The following SDR42E2 variants were observed in gnomAD, a reference collection of about 807,000 sequenced individuals.
SDR42E2 encodes the protein short chain dehydrogenase/reductase family 42E, member 2, also known as putative short-chain dehydrogenase/reductase family 42E member 2.
SDR42E2 carries 20 observed loss-of-function variants against 10.5 expected under a neutral mutation model. That is an observed-to-expected ratio of 1.90 (90% CI 1.34 to 2.77). SDR42E2 has a LOEUF of 2.77. SDR42E2 is among the 30% of genes most tolerant of loss of function. The pLI, the probability that SDR42E2 is intolerant of heterozygous loss-of-function variation, is 0.00. For missense variants in SDR42E2, 162 were observed against 104.2 expected, an observed-to-expected ratio of 1.55 and a Z score of -2.42; for synonymous variants, 72 against 39.2, an observed-to-expected ratio of 1.84 and a Z score of -3.12.
In SDR42E2 at chr16:22,190,572, T is replaced by C; in HGVS notation, c.*179T>C. The C allele has an allele frequency of 2.5e-6, 1 of 396,992 alleles. No homozygotes were observed. Among genetic ancestry groups the C allele is most frequent in the Non-Finnish European group, 4.4e-6 (1 of 225,602 alleles). 24.6% of individuals were successfully genotyped at this position (396,992 alleles called of 1,614,324 possible). On this transcript the variant is annotated 3_prime_UTR_variant, in exon 13 of 13. Coordinates refer to ENST00000602312, the MANE Select transcript of SDR42E2 (RefSeq NM_001394319.2). ...CCAGACCTAGCCCGGACCGCCGACTTCTGGCCACGCCCCTATCTACTCCCA... is the reference window on the plus strand; with the variant it reads ...CCAGACCTAGCCCGGACCGCCGACTCCTGGCCACGCCCCTATCTACTCCCA...
rs1185307244 is a variant in SDR42E2, at chr16:22,190,171, G to C, written c.1047G>C (p.Gln349His). Residue 349 changes from glutamine (Q) to histidine (H), a missense_variant, in exon 13 of 13, where the codon CAG becomes CAC. Physicochemically the swap from Gln to His is conservative, Grantham distance 24 (BLOSUM62 0). Transcript: ENST00000602312. ...GCGTGGCCGTGACGCACACCTTCCAGATAGCCAAGGCCCGCGCCCAGCTCG... is the reference window on the plus strand; with the variant it reads ...GCGTGGCCGTGACGCACACCTTCCACATAGCCAAGGCCCGCGCCCAGCTCG... ...VRSVAVTHTF[Q>H]IAKARAQLGY... The C allele has an allele frequency of 5.0e-6, 2 of 401,054 alleles. No homozygotes were observed. The highest frequency in any genetic ancestry group is 8.8e-5 in the Admixed American group (2 of 22,718). The allele number at this position is 401,054 out of a possible 1,614,324, so 24.8% of individuals were successfully genotyped here.
In SDR42E2 at chr16:22,178,150, T is replaced by G. The variant is rs1195038291; in HGVS notation, c.610T>G (p.Cys204Gly). 4.3e-6 allele frequency: 3 copies of G among 702,752 alleles called. No individual in the cohort carries two copies. Among genetic ancestry groups the G allele is most frequent in the Non-Finnish European group, 7.8e-6 (3 of 384,970 alleles). 43.5% of individuals were successfully genotyped at this position (702,752 alleles called of 1,614,324 possible). ...PLPGGGTLRT[C>G]VLRPPGIYGP... ...GCTAGGAGGAGGCACTCTTCGGACG[T>G]GTGTGCTCCGGCCTCCAGGGATCTA... Residue 204 changes from cysteine (C) to glycine (G), a missense_variant, in exon 8 of 13, where the codon TGT (cysteine) becomes GGT (glycine). Cys to Gly is a radical substitution (Grantham distance 159). Coordinates refer to ENST00000602312, the MANE Select transcript of SDR42E2 (RefSeq NM_001394319.2).
chr16:22,177,189 A>T (rs2046651558), intron 7 of SDR42E2, among the ~76,000 whole-genome samples: 1 of 152,204 alleles, frequency 6.6e-6, no homozygotes, highest in Non-Finnish European at 1.5e-5. Context: ...GGCAGGGATT[A>T]TAACATCTCC....
intron 2 of SDR42E2, 61 bp from the exon 3 acceptor site, chr16:22,166,189 C>T (rs1012628340): frequency 2.6e-5 from 11 of 417,810 alleles, no homozygotes; most frequent in Non-Finnish European, 4.2e-5. Flanking sequence ...AGGGCCTGGG[C>T]TCAGACAGGG....
chr16:22,188,865 A>G (rs1290824564), intron 12 of SDR42E2, among the ~76,000 whole-genome samples: 1 of 152,178 alleles, frequency 6.6e-6, no homozygotes, highest in Non-Finnish European at 1.5e-5. Context: ...GTGCTGAGCA[A>G]CGGAGGCAAG....
chr16:22,179,904 G>A lies in SDR42E2; in HGVS notation c.673-1615G>A, dbSNP rs77993929. 7.4e-3 allele frequency among the ~76,000 whole-genome samples: 1,119 copies of A among 151,820 alleles called. 15 individuals carry two copies. Among genetic ancestry groups the A allele is most frequent in the African/African-American group, 0.024 (1,001 of 41,380 alleles). On this transcript the variant is annotated intron_variant, in intron 8 of 12. Transcript: ENST00000602312. ...GGAATTGGGCTTGTCAGGTAGTCAC[G>A]GGGGGGCTCATTTAGAAAGGGACAT...
At chr16:22,188,426 C>G (rs557184217) in intron 12 of SDR42E2, among the ~76,000 whole-genome samples, 1 of 152,268 alleles carries the variant, frequency 6.6e-6, no homozygotes, top group East Asian at 1.9e-4. Context: ...GTATGCCAGG[C>G]ACTGTGCTTT....
Position 22,170,823 on chromosome 16 carries a change from G to C in SDR42E2, c.395-10G>C. On this transcript the variant is annotated splice_polypyrimidine_tract_variant and intron_variant, in intron 5 of 12. Transcript: ENST00000602312. Reference sequence around the variant, plus strand: ...TGTTTATTTGTTGCTATGTGCACCTGCTGCTGCAGTCTGTGTTCGCCGGCG... The same window carrying C: ...TGTTTATTTGTTGCTATGTGCACCTCCTGCTGCAGTCTGTGTTCGCCGGCG... 2 of 703,038 alleles carry C rather than the reference G, an allele frequency of 2.8e-6. No individual in the cohort carries two copies. The highest frequency in any genetic ancestry group is 5.2e-6 in the Non-Finnish European group (2 of 384,996). The allele number at this position is 703,038 out of a possible 1,614,324, so 43.5% of individuals were successfully genotyped here.
intron 7 of SDR42E2, among the ~76,000 whole-genome samples, chr16:22,173,795 G>A (rs891884834): frequency 4.6e-5 from 7 of 151,392 alleles, no homozygotes; most frequent in Non-Finnish European, 1.0e-4. Context: ...GCGGAGGTGG[G>A]TGGATGGCTT....
intron 10 of SDR42E2, among the ~76,000 whole-genome samples, chr16:22,182,722 C>T (rs2046705949): frequency 6.6e-6 from 1 of 152,184 alleles, no homozygotes; most frequent in Non-Finnish European, 1.5e-5. Context: ...ACTCTTTGCC[C>T]AGTGAGGTGG....
chr16:22,171,280 C>T (rs2046598570), intron 6 of SDR42E2, among the ~76,000 whole-genome samples: 1 of 151,890 alleles, frequency 6.6e-6, no homozygotes, highest in African/African-American at 2.4e-5. Context: ...CTCACCCTGT[C>T]CCCAGGCTGG....
At chr16:22,189,182 C>T (rs962656116) in intron 12 of SDR42E2, among the ~76,000 whole-genome samples, 1 of 152,160 alleles carries the variant, frequency 6.6e-6, no homozygotes, top group Non-Finnish European at 1.5e-5. Flanking sequence ...TCCTCACCCC[C>T]CATTAAGCAT....
At chr16:22,189,208 T>C (rs1341779623) in intron 12 of SDR42E2, among the ~76,000 whole-genome samples, 1 of 152,160 alleles carries the variant, frequency 6.6e-6, no homozygotes, top group African/African-American at 2.4e-5. Context: ...ACCACAGGTT[T>C]GACCCCAGGG....
chr16:22,189,994 C>A (rs887959670), intron 12 of SDR42E2, 145 bp from the exon 13 acceptor site: 1 of 399,224 alleles, frequency 2.5e-6, no homozygotes, highest in African/African-American at 2.1e-5. Context: ...ATCGCAGGAG[C>A]AAGACGCTGC....
At chr16:22,167,165 ATTTTTTTTTTTTTTTTTTT>A (rs534502295) in intron 4 of SDR42E2, among the ~76,000 whole-genome samples, 166 bp downstream of exon 4, 8 of 37,724 alleles carry the variant, frequency 2.1e-4, no homozygotes, top group South Asian at 7.6e-4. Context: ...CAGTTCTGCC[ATTTTTTTTTTTTTTTTTTT>A]TTTTTTTTTT....
rs1478486209 is a variant in SDR42E2 at position 22,190,409 on chromosome 16, C to CGCCCGCT, written c.*17_*23dup. Reference sequence around the variant, plus strand: ...GCGCCTGTGACCGTCCGCCGTCCGCCGCCCGCTAGGGTCGGCCCCGCTGCA... The same window carrying CGCCCGCT: ...GCGCCTGTGACCGTCCGCCGTCCGCCGCCCGCTGCCCGCTAGGGTCGGCCCCGCTGCA... On this transcript the variant is annotated 3_prime_UTR_variant, in exon 13 of 13. Transcript: ENST00000602312. The CGCCCGCT allele has an allele frequency of 5.0e-6, 2 of 401,382 alleles. No individual in the cohort carries two copies. Among genetic ancestry groups the CGCCCGCT allele is most frequent in the East Asian group, 3.6e-5 (1 of 28,112 alleles). 24.9% of individuals were successfully genotyped at this position (401,382 alleles called of 1,614,324 possible).
chr16:22,174,478 G>T (rs1264597333), intron 7 of SDR42E2, among the ~76,000 whole-genome samples: 1 of 152,116 alleles, frequency 6.6e-6, no homozygotes, highest in African/African-American at 2.4e-5. Flanking sequence ...CCTAATCACT[G>T]TGCAGTGCTG....
At chr16:22,163,725 C>CA (rs1391419182) in intron 1 of SDR42E2, among the ~76,000 whole-genome samples, 2 of 151,816 alleles carry the variant, frequency 1.3e-5, no homozygotes, top group Non-Finnish European at 2.9e-5. Flanking sequence ...TAAATAAAGC[C>CA]ATGAGTGTTC....
At chr16:22,173,224 AT>A (rs938404272) in intron 7 of SDR42E2, among the ~76,000 whole-genome samples, 1 of 150,812 alleles carries the variant, frequency 6.6e-6, no homozygotes, top group Admixed American at 6.6e-5. Flanking sequence ...TTAATCTCTT[AT>A]TTTTTTTTCT....
Sources: gnomAD v4.1 joint callset for allele counts (sites outside exome capture counted in the v4.1 genomes callset) on GRCh38, gnomAD v4.1.1 for gene constraint, MANE v1.5 for transcripts, NCBI Gene and HGNC (gene_info 2026-07-23, HGNC 2026-07-21) for gene names.